Variants in STXBP4 observed in about 807,000 individuals in gnomAD.
STXBP4 encodes syntaxin binding protein 4.
A neutral mutation model predicts 76.1 loss-of-function variants in STXBP4; 55 were observed. That is an observed-to-expected ratio of 0.72 (90% CI 0.58 to 0.91). The LOEUF is 0.91. STXBP4 is among the 40% of genes least tolerant of loss of function. STXBP4 has a pLI of 0.00. For missense variants in STXBP4, 618 were observed against 636.9 expected (o/e 0.97, Z 0.32); for synonymous variants, 201 against 220.2 (o/e 0.91, Z 0.77).
intron 16 of STXBP4, among the ~76,000 whole-genome samples, chr17:55,087,667 G>A (rs772783220): frequency 1.3e-5 from 2 of 152,120 alleles, no homozygotes; most frequent in Non-Finnish European, 2.9e-5. Context: ...TTTGAAGTCT[G>A]GTAGTGTGAT....
At chr17:54,991,271 C>G (rs1245915410) in intron 4 of STXBP4, 1 of 161,016 alleles carries the variant, frequency 6.2e-6, no homozygotes, top group Non-Finnish European at 1.3e-5. Context: ...TATCTTTCTA[C>G]TACTTTGAGT....
intron 10 of STXBP4, among the ~76,000 whole-genome samples, chr17:55,040,205 A>G (rs569370746): frequency 6.6e-6 from 1 of 152,286 alleles, no homozygotes; most frequent in South Asian, 2.1e-4. Flanking sequence ...ACAAAGAAGA[A>G]AGTTGGTGGG....
At chr17:55,107,642 C>G (rs2079651664) in intron 16 of STXBP4, among the ~76,000 whole-genome samples, 1 of 152,200 alleles carries the variant, frequency 6.6e-6, no homozygotes, top group Non-Finnish European at 1.5e-5. Flanking sequence ...CTATTCCTTT[C>G]TGTTCGTTAG....
chr17:55,128,905 G>A (rs1361877982), intron 16 of STXBP4, among the ~76,000 whole-genome samples: 1 of 148,598 alleles, frequency 6.7e-6, no homozygotes, highest in Non-Finnish European at 1.5e-5. Context: ...GTGAGCCACT[G>A]CGTCCAGCCT....
At chr17:55,192,034 T>C in the STXBP4 span, among the ~76,000 whole-genome samples, 1 of 152,206 alleles carries the variant, frequency 6.6e-6, no homozygotes, top group Non-Finnish European at 1.5e-5. Context: ...AACAGCTAAA[T>C]GGAAGTGACA....
intron 8 of STXBP4, among the ~76,000 whole-genome samples, chr17:55,030,106 GC>G (rs1230082091): frequency 6.6e-6 from 1 of 152,096 alleles, no homozygotes; most frequent in Non-Finnish European, 1.5e-5. Flanking sequence ...TATATAACTG[GC>G]GAACTCAAAA....
intron 8 of STXBP4, among the ~76,000 whole-genome samples, chr17:55,021,669 A>G (rs1481924069): frequency 6.6e-6 from 1 of 151,984 alleles, no homozygotes; most frequent in Non-Finnish European, 1.5e-5. Context: ...TGTGGATGTT[A>G]TTGTTTATTA....
Position 55,149,020 on chromosome 17 carries a change from G to T in STXBP4, c.1547+7653G>T, listed in dbSNP as rs138493865. 2.3e-3 allele frequency among the ~76,000 whole-genome samples: 352 copies of T among 152,230 alleles called. 1 individual carries two copies. The highest frequency in any genetic ancestry group is 8.1e-3 in the African/African-American group (337 of 41,522). ...GACTAGATAAGGAGAATATGTGTAG[G>T]CTCCTCACTCTCTTTTACATGTATA... is the stretch of plus-strand genomic sequence containing the variant. On this transcript the variant is annotated intron_variant, in intron 17 of 17. Transcript: ENST00000376352.
chr17:55,062,466 G>A (rs747119588), intron 12 of STXBP4, among the ~76,000 whole-genome samples: 55 of 152,102 alleles, frequency 3.6e-4, no homozygotes, highest in Non-Finnish European at 6.2e-4. Context: ...TATATTTGCC[G>A]CATTTTCTTT....
intron 16 of STXBP4, among the ~76,000 whole-genome samples, chr17:55,135,086 A>G (rs2080013677): frequency 1.3e-5 from 2 of 152,178 alleles, no homozygotes; most frequent in Non-Finnish European, 2.9e-5. Context: ...ATAAATGCAG[A>G]AAATGAATGT....
rs1373993252 is a variant in STXBP4 at position 55,009,288 on chromosome 17, T to TA, written c.666+1692dup. 2.6e-5 allele frequency among the ~76,000 whole-genome samples: 4 copies of TA among 152,184 alleles called. No homozygotes were observed. In the East Asian group the frequency reaches 7.7e-4, roughly 29 times the overall value. ...CAGTTAATAGTAATATTTTCAAAAA[T>TA]AGAGTGTTTGAAGTTTAAAAGCATG... is the stretch of plus-strand genomic sequence containing the variant. On this transcript the variant is annotated intron_variant, in intron 8 of 17. Coordinates refer to ENST00000376352, the MANE Select transcript of STXBP4 (RefSeq NM_178509.6).
the STXBP4 span, among the ~76,000 whole-genome samples, chr17:55,181,537 T>C: frequency 1.7e-4 from 26 of 152,182 alleles, no homozygotes; most frequent in African/African-American, 6.3e-4. Flanking sequence ...TCTCCTTGGT[T>C]CCCATAAGAA....
chr17:55,134,974 A>T (rs2080012384), intron 16 of STXBP4, among the ~76,000 whole-genome samples: 1 of 152,160 alleles, frequency 6.6e-6, no homozygotes, highest in African/African-American at 2.4e-5. Context: ...TGGCCCCTTA[A>T]ATGTCTGTAC....
intron 12 of STXBP4, among the ~76,000 whole-genome samples, chr17:55,068,516 T>G (rs2079080810): frequency 6.6e-6 from 1 of 152,150 alleles, no homozygotes; most frequent in South Asian, 2.1e-4. Context: ...TTGCTAACAT[T>G]AAAAAATACA....
At chr17:55,021,545 T>C (rs2144627791) in intron 8 of STXBP4, among the ~76,000 whole-genome samples, 1 of 152,088 alleles carries the variant, frequency 6.6e-6, no homozygotes, top group Non-Finnish European at 1.5e-5. Context: ...AATTTTTTTA[T>C]AAAAGGAATT....
chr17:55,139,109 G>A (rs1013328295), intron 16 of STXBP4, among the ~76,000 whole-genome samples: 35 of 152,060 alleles, frequency 2.3e-4, no homozygotes, highest in African/African-American at 8.2e-4. Context: ...AATAACCATT[G>A]TGACTTAAAT....
intron 1 of STXBP4, among the ~76,000 whole-genome samples, chr17:54,975,454 C>G (rs536884692): frequency 6.6e-6 from 1 of 151,682 alleles, no homozygotes; most frequent in Non-Finnish European, 1.5e-5. Flanking sequence ...AATATTATAT[C>G]TCAAATGCAC....
intron 16 of STXBP4, among the ~76,000 whole-genome samples, chr17:55,088,746 G>A (rs1481945783): frequency 1.3e-5 from 2 of 152,230 alleles, no homozygotes; most frequent in African/African-American, 4.8e-5. Flanking sequence ...ATTGAAATCT[G>A]ATGAAAATCT....
intron 17 of STXBP4, among the ~76,000 whole-genome samples, chr17:55,143,982 G>A (rs989315579): frequency 1.3e-5 from 2 of 149,356 alleles, no homozygotes; most frequent in African/African-American, 2.5e-5. Flanking sequence ...CAGATCCAGG[G>A]TTGTCTGGCC....
Sources: allele counts gnomAD v4.1 joint callset (sites outside exome capture counted in the v4.1 genomes callset), GRCh38; gene constraint gnomAD v4.1.1; transcripts MANE v1.5; gene names NCBI Gene and HGNC (gene_info 2026-07-23, HGNC 2026-07-21).